Variants in HMGB1 observed in about 807,000 individuals in gnomAD.
HMGB1 encodes the protein high mobility group protein B1.
For synonymous variants in HMGB1, 81 were observed against 84.0 expected, an observed-to-expected ratio of 0.96 and a Z score of 0.19; for missense variants, 79 against 253.5, an observed-to-expected ratio of 0.31 and a Z score of 4.67.
chr13:30,464,554 C>A (rs922710954), intron 1 of HMGB1: 2 of 984,468 alleles, frequency 2.0e-6, no homozygotes, highest in African/African-American at 3.5e-5. Context: ...GAGGCCGCCA[C>A]GTGCGCCCGG....
intron 1 of HMGB1, among the ~76,000 whole-genome samples, chr13:30,582,134 T>C (rs1196656862): frequency 6.6e-6 from 1 of 152,132 alleles, no homozygotes; most frequent in East Asian, 1.9e-4. Flanking sequence ...AGATTTAATG[T>C]GGGATGTTTC....
At chr13:30,463,729 A>C (rs576437052) in intron 1 of HMGB1, 35 bp from the exon 2 acceptor site, 1 of 1,383,730 alleles carries the variant, frequency 7.2e-7, no homozygotes, top group East Asian at 2.3e-5. Context: ...TGTTAGCAAT[A>C]AAATTATGAC....
intron 1 of HMGB1, chr13:30,464,563 G>A (rs925959963): frequency 4.4e-4 from 432 of 984,310 alleles, no homozygotes; most frequent in Admixed American, 1.5e-3. Flanking sequence ...ACGTGCGCCC[G>A]GCAGGCCCTG....
rs796792298 is a variant in HMGB1 at position 30,463,923 on chromosome 13, T to C, written c.-14-229A>G. The C allele has an allele frequency of 9.4e-5, 43 of 455,222 alleles. 1 individual carries two copies. The highest frequency in any genetic ancestry group is 8.3e-4 in the African/African-American group (41 of 49,192). 28.2% of individuals were successfully genotyped at this position (455,222 alleles called of 1,614,324 possible). On this transcript the variant is annotated intron_variant, in intron 1 of 4. Coordinates refer to ENST00000341423, the MANE Select transcript of HMGB1 (RefSeq NM_002128.7). Reference sequence around the variant, plus strand: ...AGTCCTTCAGGGCGATCTCAAAAAGTCTAGACACAAAGATATACCCATACA... The same window carrying C: ...AGTCCTTCAGGGCGATCTCAAAAAGCCTAGACACAAAGATATACCCATACA...
intron 1 of HMGB1, among the ~76,000 whole-genome samples, chr13:30,528,148 G>A (rs544917123): frequency 7.8e-4 from 119 of 152,302 alleles, no homozygotes; most frequent in Middle Eastern, 3.4e-3. Flanking sequence ...CAGGCAACCC[G>A]TCTCCTGGGC....
chr13:30,522,057 C>T lies in HMGB1; in HGVS notation c.-14-58363G>A, dbSNP rs577039611. Among the ~76,000 whole-genome samples, 4 of 151,198 alleles carry T rather than the reference C, an allele frequency of 2.6e-5. No individual in the cohort carries two copies. In the East Asian group the frequency reaches 7.8e-4, roughly 29 times the overall value. On this transcript the variant is annotated intron_variant, in intron 1 of 4. Transcript: ENST00000405805. ...ACAAACATTAAGAGTAATTCACTGA[C>T]TTGCTCAAGATAGCTTAGTGACAGA...
At chr13:30,514,148 G>A (rs1404050806) in intron 1 of HMGB1, among the ~76,000 whole-genome samples, 2 of 151,976 alleles carry the variant, frequency 1.3e-5, no homozygotes, top group East Asian at 1.9e-4. Context: ...CATCTAACTG[G>A]TTCTTATCTA....
At chr13:30,573,861 C>T (rs994633412) in intron 1 of HMGB1, among the ~76,000 whole-genome samples, 1 of 152,038 alleles carries the variant, frequency 6.6e-6, no homozygotes, top group African/African-American at 2.4e-5. Context: ...ACCAGGTTGC[C>T]GTGGCTGATC....
intron 1 of HMGB1, among the ~76,000 whole-genome samples, chr13:30,615,144 G>C (rs1950548592): frequency 6.6e-6 from 1 of 152,160 alleles, no homozygotes; most frequent in Admixed American, 6.5e-5. Flanking sequence ...ATCATTGCAT[G>C]TATACAATAT....
chr13:30,563,389 A>G (rs1444215614), intron 1 of HMGB1, among the ~76,000 whole-genome samples: 1 of 152,128 alleles, frequency 6.6e-6, no homozygotes, highest in Non-Finnish European at 1.5e-5. Context: ...CAGGAGGATC[A>G]CTTAACTCCA....
chr13:30,608,990 G>A (rs913339467), intron 1 of HMGB1, among the ~76,000 whole-genome samples: 2 of 152,128 alleles, frequency 1.3e-5, no homozygotes, highest in South Asian at 2.1e-4. Context: ...GGCCGGGCGC[G>A]GCGGCTCACG....
chr13:30,615,227 CTGAAA>C (rs1950549547), intron 1 of HMGB1, among the ~76,000 whole-genome samples: 1 of 152,136 alleles, frequency 6.6e-6, no homozygotes, highest in South Asian at 2.1e-4. Flanking sequence ...TCTGAATTTA[CTGAAA>C]TAACTAAAAT....
rs572499671 is a variant in HMGB1, at chr13:30,530,250, A to G, written c.-14-66556T>C. On this transcript the variant is annotated intron_variant, in intron 1 of 4. Coordinates refer to the HMGB1 transcript ENST00000405805. Reference sequence around the variant, plus strand: ...AATTACCTTCAGGCTACCTGTATAGAGTGTATATGAAACATCAATGAATTT... The same window carrying G: ...AATTACCTTCAGGCTACCTGTATAGGGTGTATATGAAACATCAATGAATTT... Among the ~76,000 whole-genome samples, 265 of 152,314 alleles carry G rather than the reference A, an allele frequency of 1.7e-3. 2 individuals carry two copies. The highest frequency in any genetic ancestry group is 6.3e-3 in the African/African-American group (260 of 41,550).
intron 1 of HMGB1, among the ~76,000 whole-genome samples, chr13:30,534,665 G>A (rs1446803110): frequency 1.6e-5 from 2 of 122,188 alleles, no homozygotes; most frequent in Non-Finnish European, 3.2e-5. Context: ...TGCAACCTCC[G>A]CCTCCAGGTT....
intron 1 of HMGB1, among the ~76,000 whole-genome samples, chr13:30,602,202 CA>C (rs1262053833): frequency 2.0e-5 from 3 of 151,696 alleles, no homozygotes; most frequent in African/African-American, 7.3e-5. Flanking sequence ...ACATGTCACC[CA>C]GGGACACCAG....
chr13:30,564,536 C>T (rs953955934), intron 1 of HMGB1, among the ~76,000 whole-genome samples: 1 of 152,118 alleles, frequency 6.6e-6, no homozygotes, highest in African/African-American at 2.4e-5. Context: ...ACCTTTACCA[C>T]TAAAGACTGT....
intron 1 of HMGB1, among the ~76,000 whole-genome samples, chr13:30,592,871 TA>T (rs376893348): frequency 0.018 from 2,512 of 139,052 alleles, 29 homozygotes; most frequent in African/African-American, 0.031. Context: ...TGCTTTTTTT[TA>T]AAAAAAAAAA....
chr13:30,604,126 A>T (rs1950430588), intron 1 of HMGB1, among the ~76,000 whole-genome samples: 1 of 152,184 alleles, frequency 6.6e-6, no homozygotes, highest in South Asian at 2.1e-4. Context: ...CAATCTGCAC[A>T]AAGAGAAAAA....
intron 1 of HMGB1, among the ~76,000 whole-genome samples, chr13:30,494,927 T>C (rs1470422882): frequency 6.6e-6 from 1 of 152,238 alleles, no homozygotes; most frequent in Non-Finnish European, 1.5e-5. Context: ...CATGCAGTAT[T>C]TGTACTTCTG....
Sources: allele counts gnomAD v4.1 joint callset (sites outside exome capture counted in the v4.1 genomes callset), GRCh38; gene constraint gnomAD v4.1.1; transcripts MANE v1.5; gene names NCBI Gene and HGNC (gene_info 2026-07-23, HGNC 2026-07-21).